MYBPC1: variants seen among roughly 807,000 people sequenced by gnomAD.
MYBPC1 encodes myosin binding protein C1, also known as myosin-binding protein C, slow-type.
In MYBPC1, 52 loss-of-function variants were observed where a neutral mutation model predicts 147.1. The observed-to-expected ratio is 0.35, with a 90% CI of 0.28 to 0.45. MYBPC1 has a LOEUF of 0.45. Ranked by LOEUF, MYBPC1 falls within the 20% of genes least tolerant of loss-of-function variation. The pLI is 1.00. For synonymous variants in MYBPC1, 477 were observed against 475.9 expected, an observed-to-expected ratio of 1.00 and a Z score of -0.03; for missense variants, 1,228 against 1,440.3, an observed-to-expected ratio of 0.85 and a Z score of 2.39.
intron 22 of MYBPC1, among the ~76,000 whole-genome samples, chr12:101,664,116 CTT>C (rs1897038800): frequency 6.6e-6 from 1 of 152,070 alleles, no homozygotes; most frequent in African/African-American, 2.4e-5. Flanking sequence ...GTAGCAGTAA[CTT>C]ATCTCAGGAG....
chr12:101,691,710 G>C, the MYBPC1 span, among the ~76,000 whole-genome samples: 1 of 152,234 alleles, frequency 6.6e-6, no homozygotes, highest in Non-Finnish European at 1.5e-5. Context: ...GGAGGAGGCT[G>C]TGTGAAGGGC....
intron 20 of MYBPC1, among the ~76,000 whole-genome samples, chr12:101,661,519 A>G (rs1328008756): frequency 6.6e-6 from 1 of 152,160 alleles, no homozygotes; most frequent in Non-Finnish European, 1.5e-5. Context: ...AAGCAACTAT[A>G]AGCCCAACTT....
rs888797060 is a variant in MYBPC1 at position 101,656,373 on chromosome 12, A to G, written c.1767+3125A>G. 3.3e-5 allele frequency among the ~76,000 whole-genome samples: 5 copies of G among 152,176 alleles called. No individual in the cohort carries two copies. The East Asian group carries it at 7.7e-4, about 23-fold the overall frequency. On this transcript the variant is annotated intron_variant, in intron 18 of 31. Coordinates refer to ENST00000361466, the MANE Select transcript of MYBPC1 (RefSeq NM_002465.4). ...ATACCAATATTTACTTTAAATGTCA[A>G]TGGTCCAAATATACAAATTAGAAGC...
At chr12:101,624,442 C>G (rs1888089119) in intron 3 of MYBPC1, among the ~76,000 whole-genome samples, 1 of 152,012 alleles carries the variant, frequency 6.6e-6, no homozygotes, top group Non-Finnish European at 1.5e-5. Context: ...CCTGCTTGTA[C>G]AGTCATATAC....
intron 1 of MYBPC1, among the ~76,000 whole-genome samples, chr12:101,598,817 A>G (rs1403442144): frequency 1.3e-5 from 2 of 151,996 alleles, no homozygotes; most frequent in African/African-American, 4.8e-5. Context: ...CCTGGGCTCA[A>G]GAGATCCACT....
At chr12:101,688,636 T>TTGCAACTTGATAAATAAAG (rs1566028948), downstream of MYBPC1, among the ~76,000 whole-genome samples, 1 of 151,822 alleles carries the variant, frequency 6.6e-6, no homozygotes, top group Non-Finnish European at 1.5e-5. Flanking sequence ...TGCATGGCAC[T>TTGCAACTTGATAAATAAAG]GTAATGGATT....
intron 14 of MYBPC1, 29 bp downstream of exon 14, chr12:101,648,179 G>GT: frequency 6.6e-7 from 1 of 1,506,674 alleles, no homozygotes; most frequent in East Asian, 2.4e-5. Context: ...GTCTGTCCAT[G>GT]TTTAATAGAC....
At chr12:101,694,914 T>C in the MYBPC1 span, among the ~76,000 whole-genome samples, 2 of 152,250 alleles carry the variant, frequency 1.3e-5, no homozygotes, top group Admixed American at 6.5e-5. Flanking sequence ...TTAGTGGACA[T>C]ATAAGTTATT....
intron 18 of MYBPC1, among the ~76,000 whole-genome samples, chr12:101,656,618 T>C (rs1208133790): frequency 6.6e-6 from 1 of 152,134 alleles, no homozygotes; most frequent in African/African-American, 2.4e-5. Flanking sequence ...CGTTACATAA[T>C]GATGAATGGG....
chr12:101,667,113 A>T (rs1897641964), intron 22 of MYBPC1, among the ~76,000 whole-genome samples: 1 of 152,244 alleles, frequency 6.6e-6, no homozygotes, highest in African/African-American at 2.4e-5. Context: ...AAAACTTTTT[A>T]AAATTAGATT....
the MYBPC1 span, among the ~76,000 whole-genome samples, chr12:101,691,455 C>T: frequency 6.6e-6 from 1 of 152,208 alleles, no homozygotes; most frequent in Non-Finnish European, 1.5e-5. Flanking sequence ...TTATTTCACA[C>T]ACAACAGTGC....
intron 30 of MYBPC1, 106 bp from the exon 31 acceptor site, chr12:101,684,276 T>C (rs1329979429): frequency 1.1e-6 from 1 of 899,906 alleles, no homozygotes; most frequent in Admixed American, 1.7e-5. Context: ...AAATCACCTC[T>C]TCATAATCAT....
intron 29 of MYBPC1, among the ~76,000 whole-genome samples, chr12:101,681,889 G>A (rs891866934): frequency 4.0e-5 from 6 of 151,896 alleles, no homozygotes; most frequent in African/African-American, 7.2e-5. Context: ...GATTATAGGC[G>A]TGAGCCACTG....
Position 101,671,065 on chromosome 12 carries a change from A to G in MYBPC1, c.2613+656A>G, listed in dbSNP as rs1898560290. 2.0e-5 allele frequency among the ~76,000 whole-genome samples: 3 copies of G among 152,026 alleles called. No homozygotes were observed. The South Asian group carries it at 6.2e-4, about 32-fold the overall frequency. ...TGACACCTCCAGACAGTGCTGTTCA[A>G]TAGAACTTTCTTCAATGTTAGAAAT... is the stretch of plus-strand genomic sequence containing the variant. On this transcript the variant is annotated intron_variant, in intron 24 of 31. Transcript: ENST00000361466.
chr12:101,643,290 G>A (rs1892438544), intron 11 of MYBPC1, among the ~76,000 whole-genome samples: 1 of 152,096 alleles, frequency 6.6e-6, no homozygotes. Flanking sequence ...CCTGGAAACT[G>A]GTTGAGAAAT....
chr12:101,651,184 G>T (rs1894363751), intron 15 of MYBPC1, 47 bp from the exon 16 acceptor site: 1 of 1,609,814 alleles, frequency 6.2e-7, no homozygotes, highest in African/African-American at 1.3e-5. Context: ...ATCTTGGCCT[G>T]TTGGGAGTTT....
Position 101,662,338 on chromosome 12 carries a change from T to G in MYBPC1, c.2033-20T>G, listed in dbSNP as rs115190610. The G allele has an allele frequency of 1.1e-3, 1,834 of 1,613,732 alleles. 16 individuals are homozygous for G. In the African/African-American group the frequency reaches 0.02, roughly 18 times the overall value. On this transcript the variant is annotated intron_variant, in intron 20 of 31. Coordinates refer to ENST00000361466, the MANE Select transcript of MYBPC1 (RefSeq NM_002465.4). ...CAGAGACCAAGGAAAAACCTTAGTT[T>G]TCATTTTGCATACCTGCAGGATATT...
chr12:101,624,577 T>C (rs1015284365), intron 3 of MYBPC1, among the ~76,000 whole-genome samples: 1 of 151,776 alleles, frequency 6.6e-6, no homozygotes, highest in Non-Finnish European at 1.5e-5. Flanking sequence ...AGCCTCCAAT[T>C]CCTGGACTCA....
In MYBPC1 at chr12:101,675,143, C is replaced by T. The variant is rs897003831; in HGVS notation, c.2810-149C>T. Reference sequence around the variant, plus strand: ...GGCCTGGCTCCATACTACTGGAAGGCAAAGGGTCTCAGAAGCCCCCATGGT... The same window carrying T: ...GGCCTGGCTCCATACTACTGGAAGGTAAAGGGTCTCAGAAGCCCCCATGGT... On this transcript the variant is annotated intron_variant, in intron 25 of 31. Coordinates refer to ENST00000361466, the MANE Select transcript of MYBPC1 (RefSeq NM_002465.4). 4 of 1,047,644 alleles carry T rather than the reference C, an allele frequency of 3.8e-6. No individual in the cohort carries two copies. In the African/African-American group the frequency reaches 6.3e-5, roughly 17 times the overall value. 64.9% of individuals were successfully genotyped at this position (1,047,644 alleles called of 1,614,324 possible). A position where few individuals can be genotyped will look rare whatever the true frequency, so the allele number is the denominator to read the frequency against.
Sources: gnomAD v4.1 joint callset for allele counts (sites outside exome capture counted in the v4.1 genomes callset) on GRCh38, gnomAD v4.1.1 for gene constraint, MANE v1.5 for transcripts, NCBI Gene and HGNC (gene_info 2026-07-23, HGNC 2026-07-21) for gene names.